SLC35F3: variants seen among roughly 807,000 people sequenced by gnomAD.
SLC35F3 encodes the protein putative thiamine transporter SLC35F3.
In SLC35F3, 25 loss-of-function variants were observed where a neutral mutation model predicts 49.9. That is an observed-to-expected ratio of 0.50 (90% CI 0.37 to 0.70). The LOEUF (loss-of-function observed/expected upper bound fraction) is 0.70. SLC35F3 is among the 30% of genes least tolerant of loss of function. SLC35F3 has a pLI of 0.00. For synonymous variants in SLC35F3, 275 were observed against 265.4 expected (o/e 1.04, Z -0.35); for missense variants, 525 against 639.8 (o/e 0.82, Z 1.94).
intron 2 of SLC35F3, among the ~76,000 whole-genome samples, chr1:234,190,710 A>G (rs1295251119): frequency 6.6e-6 from 1 of 152,196 alleles, no homozygotes; most frequent in Non-Finnish European, 1.5e-5. Context: ...CCCTAGAACA[A>G]CTTGACTTAA....
intron 2 of SLC35F3, among the ~76,000 whole-genome samples, chr1:233,928,281 G>A (rs1200877120): frequency 6.6e-6 from 1 of 152,172 alleles, no homozygotes; most frequent in Non-Finnish European, 1.5e-5. Context: ...TCTGTAAGAG[G>A]TAATTTATCA....
intron 2 of SLC35F3, among the ~76,000 whole-genome samples, chr1:234,066,112 T>C (rs1664613131): frequency 6.6e-6 from 1 of 152,216 alleles, no homozygotes; most frequent in Non-Finnish European, 1.5e-5. Context: ...ATAATTATCA[T>C]TATTATATTA....
At chr1:234,296,293 G>A (rs1324524795) in intron 3 of SLC35F3, among the ~76,000 whole-genome samples, 6 of 152,082 alleles carry the variant, frequency 3.9e-5, no homozygotes, top group Admixed American at 2.6e-4. Context: ...TGCAAGGGAT[G>A]GTCCTATGGG....
intron 3 of SLC35F3, among the ~76,000 whole-genome samples, chr1:234,238,515 G>A (rs149269025): frequency 5.9e-5 from 9 of 152,278 alleles, no homozygotes; most frequent in East Asian, 1.9e-4. Flanking sequence ...TGACATCACC[G>A]TCTGAGTTTA....
At chr1:234,020,018 A>G (rs945331557) in intron 2 of SLC35F3, among the ~76,000 whole-genome samples, 2 of 152,176 alleles carry the variant, frequency 1.3e-5, no homozygotes, top group African/African-American at 4.8e-5. Flanking sequence ...TCCAGCAAGA[A>G]AAATACATGT....
At chr1:234,156,335 G>A (rs976328713) in intron 2 of SLC35F3, among the ~76,000 whole-genome samples, 1 of 152,174 alleles carries the variant, frequency 6.6e-6, no homozygotes, top group African/African-American at 2.4e-5. Context: ...ATAATTCCGC[G>A]ATACGGCTGA....
intron 2 of SLC35F3, among the ~76,000 whole-genome samples, chr1:234,099,497 C>T (rs949115940): frequency 6.6e-6 from 1 of 151,702 alleles, no homozygotes; most frequent in African/African-American, 2.4e-5. Context: ...GCAGTCCCAG[C>T]TACTCAGGTG....
At chr1:234,255,500 G>A (rs1032165364) in intron 3 of SLC35F3, among the ~76,000 whole-genome samples, 2 of 152,130 alleles carry the variant, frequency 1.3e-5, no homozygotes, top group African/African-American at 4.8e-5. Flanking sequence ...TGTGCTTTTT[G>A]GTGTTTACCC....
chr1:233,976,074 G>A (rs1282608552), intron 2 of SLC35F3, among the ~76,000 whole-genome samples: 1 of 152,152 alleles, frequency 6.6e-6, no homozygotes, highest in East Asian at 1.9e-4. Flanking sequence ...TATAATTTTT[G>A]TTATGAAGAA....
intron 2 of SLC35F3, among the ~76,000 whole-genome samples, chr1:233,976,957 A>T (rs986584288): frequency 6.6e-6 from 1 of 152,202 alleles, no homozygotes; most frequent in African/African-American, 2.4e-5. Context: ...TGATACTGGT[A>T]GCCTTTTGAC....
intron 3 of SLC35F3, among the ~76,000 whole-genome samples, chr1:234,266,521 T>C (rs1458604376): frequency 6.6e-6 from 1 of 152,228 alleles, no homozygotes; most frequent in African/African-American, 2.4e-5. Context: ...TTTTACATCA[T>C]ATCCATACAG....
At chr1:234,167,627 A>G (rs1666339112) in intron 2 of SLC35F3, among the ~76,000 whole-genome samples, 1 of 152,208 alleles carries the variant, frequency 6.6e-6, no homozygotes, top group African/African-American at 2.4e-5. Flanking sequence ...TATCTACTGT[A>G]AAATAATAAC....
At chr1:234,301,169 G>GGCTTT (rs1054450503) in intron 3 of SLC35F3, among the ~76,000 whole-genome samples, 1 of 152,042 alleles carries the variant, frequency 6.6e-6, no homozygotes, top group African/African-American at 2.4e-5. Context: ...TCATCAGCTG[G>GGCTTT]GCTTTAAAAC....
intron 2 of SLC35F3, among the ~76,000 whole-genome samples, chr1:233,948,558 T>C (rs1662554063): frequency 6.6e-6 from 1 of 151,266 alleles, no homozygotes; most frequent in Non-Finnish European, 1.5e-5. Context: ...TTTTTTTTTT[T>C]CTTTTTTTAA....
chr1:233,989,147 C>G (rs1403825992), intron 2 of SLC35F3, among the ~76,000 whole-genome samples: 1 of 152,174 alleles, frequency 6.6e-6, no homozygotes, highest in Non-Finnish European at 1.5e-5. Context: ...AGGGAACTCC[C>G]TGACATAGCA....
chr1:234,157,455 A>G (rs972206591), intron 2 of SLC35F3, among the ~76,000 whole-genome samples: 5 of 152,070 alleles, frequency 3.3e-5, no homozygotes, highest in Non-Finnish European at 7.4e-5. Context: ...ATCATCTTCT[A>G]CTTTGGTGTA....
At chr1:234,285,203 A>C in intron 3 of SLC35F3, 1 of 394,022 alleles carries the variant, frequency 2.5e-6, no homozygotes, top group East Asian at 7.2e-5. Flanking sequence ...AGACTCATGC[A>C]CAGAACATGA....
At position 234,046,432 on chromosome 1, in the gene SLC35F3, T is replaced by C. The variant is rs1664292846; in HGVS notation, c.283+140674T>C. On this transcript the variant is annotated intron_variant, in intron 2 of 7. Transcript: ENST00000366618. The surrounding 1 kb of genome is among the most constrained non-coding windows in gnomAD (Gnocchi z 4.4). ...TCCTCTTCACTAAATTGCTGCTCAT[T>C]GTGTTCACTAACTTTTCAATTGAAT... is the stretch of plus-strand genomic sequence containing the variant. Among the ~76,000 whole-genome samples, 1 of 152,192 alleles carries C rather than the reference T, an allele frequency of 6.6e-6. No individual in the cohort carries two copies. The highest frequency in any genetic ancestry group is 2.4e-5 in the African/African-American group (1 of 41,452).
intron 3 of SLC35F3, among the ~76,000 whole-genome samples, chr1:234,296,717 G>T (rs1668598312): frequency 6.6e-6 from 1 of 152,166 alleles, no homozygotes; most frequent in Non-Finnish European, 1.5e-5. Flanking sequence ...TCTGCTATTT[G>T]ACTGAGCATG....
Sources: gnomAD v4.1 joint callset for allele counts (sites outside exome capture counted in the v4.1 genomes callset) on GRCh38, gnomAD v4.1.1 for gene constraint, Gnocchi (gnomAD v3.1) non-coding constraint, MANE v1.5 for transcripts, NCBI Gene and HGNC (gene_info 2026-07-23, HGNC 2026-07-21) for gene names.